The following CLMP variants were observed in gnomAD, a reference collection of about 807,000 sequenced individuals.
CLMP encodes CXADR-like membrane protein.
Under a neutral mutation model 45.2 loss-of-function variants are expected in CLMP, and 27 were observed. The ratio of observed to expected loss-of-function variants is 0.60; its 90% CI spans 0.44 to 0.82. CLMP has a LOEUF of 0.82. Among genes scored for constraint, CLMP ranks in the 40% least tolerant of loss-of-function variants. The pLI is 0.00. For missense variants in CLMP, 403 were observed against 448.4 expected (o/e 0.90, Z 0.91); for synonymous variants, 167 against 171.4 (o/e 0.97, Z 0.20).
intron 1 of CLMP, among the ~76,000 whole-genome samples, chr11:123,188,472 CTCCTT>C (rs1861862765): frequency 6.6e-6 from 1 of 152,076 alleles, no homozygotes; most frequent in Non-Finnish European, 1.5e-5. Flanking sequence ...TCCTCCTCCT[CTCCTT>C]TCTTCTCCTC....
rs181706301 is a variant in CLMP, at chr11:123,137,127, C to A, written c.29-39175G>T. Among the ~76,000 whole-genome samples, 1,066 of 144,840 alleles carry A rather than the reference C, an allele frequency of 7.4e-3. 15 individuals carry two copies. Among genetic ancestry groups the A allele is most frequent in the African/African-American group, 0.028 (1,029 of 36,936 alleles). On this transcript the variant is annotated intron_variant, in intron 1 of 6. Transcript: ENST00000448775. ...AGAATGCTGACTTTTCCTTGCAGAC[C>A]TTTCTCTTTTTTTCTTTTTCTTTTT...
intron 1 of CLMP, among the ~76,000 whole-genome samples, chr11:123,100,584 G>T (rs1233712679): frequency 8.5e-6 from 1 of 118,332 alleles, no homozygotes. Context: ...TTCCCCAGGC[G>T]GCGCCTCCCT....
At chr11:123,163,210 G>C (rs910836896) in intron 1 of CLMP, among the ~76,000 whole-genome samples, 1 of 152,114 alleles carries the variant, frequency 6.6e-6, no homozygotes, top group Non-Finnish European at 1.5e-5. Flanking sequence ...AAAATGCCAC[G>C]GCTAGATCTT....
Position 123,071,400 on chromosome 11 carries a change from C to T in CLMP, c.*2074G>A, listed in dbSNP as rs115214030. The T allele has an allele frequency of 0.086, 13,153 of 152,130 alleles. 1,230 individuals carry two copies. The highest frequency in any genetic ancestry group is 0.23 in the African/African-American group (9,514 of 41,412). The allele number at this position is 152,130 out of a possible 1,614,324, so 9.4% of individuals were successfully genotyped here. ...CAGTGAGCCGAGATACGCCACTGCA[C>T]TCCAGCCTGCGTGATGAGAGCAAGA... On this transcript the variant is annotated 3_prime_UTR_variant, in exon 7 of 7. Coordinates refer to ENST00000448775, the MANE Select transcript of CLMP (RefSeq NM_024769.5).
chr11:123,074,677 A>G, intron 6 of CLMP, 25 bp downstream of exon 6: 2 of 1,611,302 alleles, frequency 1.2e-6, no homozygotes, highest in East Asian at 2.2e-5. Flanking sequence ...GAAGCCCCGT[A>G]AAAGTAGGGA....
At chr11:123,082,759 C>T (rs1007041237) in intron 5 of CLMP, among the ~76,000 whole-genome samples, 1 of 151,842 alleles carries the variant, frequency 6.6e-6, no homozygotes, top group Admixed American at 6.6e-5. Context: ...TACAGGCGCC[C>T]ACCACACCCA....
At chr11:123,124,124 T>C (rs1860857694) in intron 1 of CLMP, among the ~76,000 whole-genome samples, 1 of 152,202 alleles carries the variant, frequency 6.6e-6, no homozygotes, top group South Asian at 2.1e-4. Flanking sequence ...TGTTATATTT[T>C]TTTGGTTGTT....
chr11:123,156,542 T>C (rs902464510), intron 1 of CLMP, among the ~76,000 whole-genome samples: 2 of 145,674 alleles, frequency 1.4e-5, no homozygotes, highest in African/African-American at 4.9e-5. Context: ...GTCGGGGGGA[T>C]TTTTTTGGTA....
At chr11:123,106,652 A>T (rs930808970) in intron 1 of CLMP, among the ~76,000 whole-genome samples, 1 of 152,164 alleles carries the variant, frequency 6.6e-6, no homozygotes, top group African/African-American at 2.4e-5. Context: ...TAAGCATTAC[A>T]TATGATGCAT....
At chr11:123,103,129 A>T (rs1591458409) in intron 1 of CLMP, among the ~76,000 whole-genome samples, 1 of 152,238 alleles carries the variant, frequency 6.6e-6, no homozygotes, top group East Asian at 1.9e-4. Flanking sequence ...ATAATAACCC[A>T]TCCTCCCAGA....
intron 2 of CLMP, among the ~76,000 whole-genome samples, chr11:123,092,709 T>A (rs7938792): frequency 6.6e-6 from 1 of 152,006 alleles, no homozygotes; most frequent in African/African-American, 2.4e-5. Flanking sequence ...GTGATTCTTC[T>A]GCCTCAGCCT....
At chr11:123,171,747 T>C (rs981798376) in intron 1 of CLMP, among the ~76,000 whole-genome samples, 5 of 152,120 alleles carry the variant, frequency 3.3e-5, no homozygotes, top group Non-Finnish European at 7.4e-5. Context: ...CTCGGCCTGT[T>C]GGAAGACTGT....
intron 1 of CLMP, among the ~76,000 whole-genome samples, chr11:123,153,240 C>G (rs1339783484): frequency 6.6e-6 from 1 of 152,196 alleles, no homozygotes; most frequent in African/African-American, 2.4e-5. Flanking sequence ...CTCCCCCAGG[C>G]ATAGAATGGC....
At position 123,073,512 on chromosome 11, in the gene CLMP, T is replaced by C; in HGVS notation, c.1084A>G (p.Met362Val). The change falls in exon 7 of 7, where the codon ATG becomes GTG. Residue 362 changes from methionine (M) to valine (V), a missense_variant. Coordinates refer to ENST00000448775, the MANE Select transcript of CLMP (RefSeq NM_024769.5). ...AAGGCTCTGCTCTGGCTGGGGATCATGCTGGGTGTGGTTTCTGCTTTGGTC... is the reference window on the plus strand; with the variant it reads ...AAGGCTCTGCTCTGGCTGGGGATCACGCTGGGTGTGGTTTCTGCTTTGGTC... Reference protein sequence around the residue: ...NLTKAETTPSMIPSQSRAFQT... With the variant: ...NLTKAETTPSVIPSQSRAFQT... 1 of 1,614,100 alleles carries C rather than the reference T, an allele frequency of 6.2e-7. No individual in the cohort carries two copies. Among genetic ancestry groups the C allele is most frequent in the Non-Finnish European group, 8.5e-7 (1 of 1,180,002 alleles).
chr11:123,130,631 CT>C (rs1860971782), intron 1 of CLMP, among the ~76,000 whole-genome samples: 1 of 152,114 alleles, frequency 6.6e-6, no homozygotes, highest in Non-Finnish European at 1.5e-5. Context: ...TTCCTGCCTC[CT>C]GCACATGCCA....
intron 1 of CLMP, among the ~76,000 whole-genome samples, chr11:123,128,935 G>A (rs948604094): frequency 5.3e-5 from 8 of 152,026 alleles, no homozygotes; most frequent in African/African-American, 1.7e-4. Flanking sequence ...TGAGGCTTAG[G>A]GAAGTCAAAG....
chr11:123,109,305 A>G (rs1860605422), intron 1 of CLMP, among the ~76,000 whole-genome samples: 1 of 152,140 alleles, frequency 6.6e-6, no homozygotes, highest in Admixed American at 6.6e-5. Flanking sequence ...ACAATGAACA[A>G]TTAACTGATT....
At chr11:123,182,603 C>T (rs1169308696) in intron 1 of CLMP, among the ~76,000 whole-genome samples, 1 of 148,666 alleles carries the variant, frequency 6.7e-6, no homozygotes, top group Non-Finnish European at 1.5e-5. Flanking sequence ...ATATGCTTTA[C>T]CCTCTGGGCG....
chr11:123,126,793 A>G (rs57151221), intron 1 of CLMP, among the ~76,000 whole-genome samples: 21,037 of 151,902 alleles, frequency 0.14, 1,815 homozygotes, highest in African/African-American at 0.24. Context: ...GCTACTTGGG[A>G]GACTCAGGCA....
Sources: allele counts gnomAD v4.1 joint callset (sites outside exome capture counted in the v4.1 genomes callset), GRCh38; gene constraint gnomAD v4.1.1; transcripts MANE v1.5; gene names NCBI Gene and HGNC (gene_info 2026-07-23, HGNC 2026-07-21).